TTYH3: variants seen among roughly 807,000 people sequenced by gnomAD.
The protein encoded by TTYH3 is protein tweety homolog 3.
Under a neutral mutation model 68.2 loss-of-function variants are expected in TTYH3, and 23 were observed. The ratio of observed to expected loss-of-function variants is 0.34; its 90% confidence interval spans 0.24 to 0.48. The LOEUF (loss-of-function observed/expected upper bound fraction) is 0.48. Among genes scored for constraint, TTYH3 ranks in the 20% least tolerant of loss-of-function variants. The pLI is 0.99. For missense variants in TTYH3, 768 were observed against 727.7 expected (o/e 1.06, Z -0.64); for synonymous variants, 360 against 332.8 (o/e 1.08, Z -0.89).
intron 1 of TTYH3, 40 bp downstream of exon 1, chr7:2,632,318 A>G (rs982094074): frequency 6.6e-7 from 1 of 1,519,576 alleles, no homozygotes; most frequent in Non-Finnish European, 8.9e-7. Flanking sequence ...CAGGGACCCC[A>G]GGTCACGGCC....
chr7:2,647,102 G>T, intron 2 of TTYH3, 40 bp from the exon 3 acceptor site: 1 of 1,554,990 alleles, frequency 6.4e-7, no homozygotes, highest in African/African-American at 1.3e-5. Context: ...GGGTGTGTGT[G>T]GGTGGGCGGG....
chr7:2,649,663 C>G (rs1786106693), intron 6 of TTYH3, 24 bp downstream of exon 6: 2 of 1,586,484 alleles, frequency 1.3e-6, no homozygotes, highest in Non-Finnish European at 1.7e-6. Context: ...GGGGTGAGGT[C>G]CCCGGCTGCT....
Position 2,647,165 on chromosome 7 carries a change from A to C in TTYH3, c.317A>C (p.Tyr106Ser). The C allele has an allele frequency of 1.2e-6, 2 of 1,606,258 alleles. No individual in the cohort carries two copies. The highest frequency in any genetic ancestry group is 1.1e-5 in the South Asian group (1 of 89,920). Residue 106 changes from tyrosine to serine, a missense_variant, in exon 3 of 14, where the codon TAC becomes TCC. Coordinates refer to ENST00000258796, the MANE Select transcript of TTYH3 (RefSeq NM_025250.3). ...AGCGCCGGCATCGCAGTGGGATTCT[A>C]CGGCAACGGGGAGACCAGTGATGGC... ...VCSAGIAVGF[Y>S]GNGETSDGIH...
rs1030343187 is a variant in TTYH3, at chr7:2,662,016, T to G, written c.*277T>G. On this transcript the variant is annotated 3_prime_UTR_variant, in exon 14 of 14. Coordinates refer to ENST00000258796, the MANE Select transcript of TTYH3 (RefSeq NM_025250.3). ...ACCCACTATCCCGGCACGCTCCCTCTGCAGATGGTCGCCGCACCTACAAGC... is the reference window on the plus strand; with the variant it reads ...ACCCACTATCCCGGCACGCTCCCTCGGCAGATGGTCGCCGCACCTACAAGC... The G allele has an allele frequency of 1.7e-6, 1 of 581,234 alleles. No homozygotes were observed. The highest frequency in any genetic ancestry group is 1.9e-5 in the African/African-American group (1 of 52,890). 36.0% of individuals were successfully genotyped at this position (581,234 alleles called of 1,614,324 possible).
chr7:2,656,198 C>T lies in TTYH3; in HGVS notation c.1113+14C>T. On this transcript the variant is annotated intron_variant, in intron 10 of 13. Coordinates refer to ENST00000258796, the MANE Select transcript of TTYH3 (RefSeq NM_025250.3). ...AGCCTGCATCTGGTGAGAGGCAGGGCCTGGGACAGGGCCATGGCAGCTTGT... is the reference window on the plus strand; with the variant it reads ...AGCCTGCATCTGGTGAGAGGCAGGGTCTGGGACAGGGCCATGGCAGCTTGT... 6.4e-7 allele frequency: 1 copy of T among 1,560,770 alleles called. No homozygotes were observed. The highest frequency in any genetic ancestry group is 8.7e-7 in the Non-Finnish European group (1 of 1,152,286).
At chr7:2,642,552 A>G (rs1785875567) in intron 1 of TTYH3, among the ~76,000 whole-genome samples, 1 of 149,804 alleles carries the variant, frequency 6.7e-6, no homozygotes, top group Non-Finnish European at 1.5e-5. Context: ...AAAAAAAAAA[A>G]AAAAAAAGAA....
At position 2,662,838 on chromosome 7, in the gene TTYH3, G is replaced by A. The variant is rs1482828949; in HGVS notation, c.*1099G>A. On this transcript the variant is annotated 3_prime_UTR_variant, in exon 14 of 14. Coordinates refer to ENST00000258796, the MANE Select transcript of TTYH3 (RefSeq NM_025250.3). ...GCCGGAGCAGCTGTCTGGGAGTCAAGGCTGCAGTAGCGTTTCTTCATGGGG... is the reference window on the plus strand; with the variant it reads ...GCCGGAGCAGCTGTCTGGGAGTCAAAGCTGCAGTAGCGTTTCTTCATGGGG... 1 of 152,662 alleles carries A rather than the reference G, an allele frequency of 6.6e-6. No individual in the cohort carries two copies. Among genetic ancestry groups the A allele is most frequent in the Non-Finnish European group, 1.5e-5 (1 of 68,180 alleles). The allele number at this position is 152,662 out of a possible 1,614,324, so 9.5% of individuals were successfully genotyped here. A position where few individuals can be genotyped will look rare whatever the true frequency, so the allele number is the denominator to read the frequency against.
chr7:2,639,991 G>A (rs1562708185), intron 1 of TTYH3, among the ~76,000 whole-genome samples: 2 of 8,116 alleles, frequency 2.5e-4, no homozygotes, highest in Non-Finnish European at 4.3e-4. Context: ...CTGTGGTCAC[G>A]CTGCCTGGCC....
At chr7:2,644,212 C>T (rs1262637236) in intron 1 of TTYH3, among the ~76,000 whole-genome samples, 1 of 152,156 alleles carries the variant, frequency 6.6e-6, no homozygotes, top group South Asian at 2.1e-4. Context: ...TCTGTTCTGC[C>T]GTTGGCCTCT....
At position 2,662,047 on chromosome 7, in the gene TTYH3, C is replaced by T. The variant is rs539653910; in HGVS notation, c.*308C>T. 26 of 545,656 alleles carry T rather than the reference C, an allele frequency of 4.8e-5. No individual in the cohort carries two copies. In the South Asian group the frequency reaches 5.1e-4, roughly 11 times the overall value. The allele number at this position is 545,656 out of a possible 1,614,324, so 33.8% of individuals were successfully genotyped here. Reference sequence around the variant, plus strand: ...TGGTCGCCGCACCTACAAGCCCTGGCCGCACCCAACCTGTGTTGTTGCCGC... The same window carrying T: ...TGGTCGCCGCACCTACAAGCCCTGGTCGCACCCAACCTGTGTTGTTGCCGC... On this transcript the variant is annotated 3_prime_UTR_variant, in exon 14 of 14. Coordinates refer to ENST00000258796, the MANE Select transcript of TTYH3 (RefSeq NM_025250.3).
chr7:2,637,458 C>T (rs1785709915), intron 1 of TTYH3, among the ~76,000 whole-genome samples: 1 of 152,104 alleles, frequency 6.6e-6, no homozygotes. Flanking sequence ...CATGGGGGGC[C>T]GGAAGACTGG....
intron 7 of TTYH3, 32 bp from the exon 8 acceptor site, chr7:2,652,155 G>A: frequency 6.2e-7 from 1 of 1,607,182 alleles, no homozygotes; most frequent in East Asian, 2.2e-5. Flanking sequence ...GACAGCTGTT[G>A]CAGCTCAGCC....
At chr7:2,660,936 A>G (rs1786478291) in intron 13 of TTYH3, among the ~76,000 whole-genome samples, 1 of 152,210 alleles carries the variant, frequency 6.6e-6, no homozygotes, top group African/African-American at 2.4e-5. Flanking sequence ...TGCACTCAAG[A>G]CCTTCACACT....
intron 9 of TTYH3, among the ~76,000 whole-genome samples, chr7:2,654,211 A>G (rs958062419): frequency 1.3e-5 from 2 of 152,210 alleles, no homozygotes; most frequent in African/African-American, 2.4e-5. Context: ...CCTGGGCAAC[A>G]TAGCAAGACC....
intron 11 of TTYH3, among the ~76,000 whole-genome samples, chr7:2,656,922 C>T (rs1332573770): frequency 6.6e-6 from 1 of 152,258 alleles, no homozygotes; most frequent in Non-Finnish European, 1.5e-5. Context: ...GTGCACGACG[C>T]TGTGGGGGAA....
rs1785998697 is a variant in TTYH3, at chr7:2,646,861, G to A, written c.132G>A (p.Leu44=). 6.3e-7 allele frequency: 1 copy of A among 1,595,504 alleles called. No individual in the cohort carries two copies. Among genetic ancestry groups the A allele is most frequent in the Non-Finnish European group, 8.5e-7 (1 of 1,178,348 alleles). The change falls in exon 2 of 14, where the codon CTG becomes CTA. Residue 44 remains leucine, a synonymous_variant. Transcript: ENST00000258796. ...PEDTDYQQAL[L]LLGAAALACL... Reference sequence around the variant, plus strand: ...TTCCTGCCTGCCCTCAGGCCCTGCTGCTCCTGGGGGCCGCCGCCCTGGCCT... The same window carrying A: ...TTCCTGCCTGCCCTCAGGCCCTGCTACTCCTGGGGGCCGCCGCCCTGGCCT...
rs549008998 is a variant in TTYH3 at position 2,649,590 on chromosome 7, C to A, written c.746C>A (p.Ala249Asp). ...AGGGTCTGCCTGCTGGGAGTCCTGG[C>A]CCTGGTCATCAGCTGGGGCGCGCTG... ...LVGVCLLGVL[A>D]LVISWGALGL... Residue 249 changes from alanine to aspartate, a missense_variant, in exon 6 of 14, where the codon GCC becomes GAC. Transcript: ENST00000258796. 1 of 1,595,148 alleles carries A rather than the reference C, an allele frequency of 6.3e-7. No individual in the cohort carries two copies. The highest frequency in any genetic ancestry group is 1.7e-5 in the Admixed American group (1 of 58,666).
intron 1 of TTYH3, among the ~76,000 whole-genome samples, chr7:2,638,940 G>A (rs1422927692): frequency 1.3e-5 from 2 of 152,002 alleles, no homozygotes; most frequent in Non-Finnish European, 2.9e-5. Context: ...GTAGTGGCTC[G>A]CACACGCCGA....
chr7:2,647,965 G>T lies in TTYH3; in HGVS notation c.633G>T (p.Leu211=), dbSNP rs763549055. Residue 211 remains leucine, a synonymous_variant, in exon 5 of 14, where the codon CTG becomes CTT. Transcript: ENST00000258796. The part of the protein sequence containing the change: ...QVDLYDWYRW[L]GYLGLLLLDV... ...CTCCCAGGTTTGCCTGCAGGTGGCT[G>T]GGCTACCTGGGCCTGCTGCTGCTGG... 6.2e-7 allele frequency: 1 copy of T among 1,608,208 alleles called. No homozygotes were observed. Among genetic ancestry groups the T allele is most frequent in the South Asian group, 1.1e-5 (1 of 91,080 alleles).
Sources: allele counts gnomAD v4.1 joint callset (sites outside exome capture counted in the v4.1 genomes callset), GRCh38; gene constraint gnomAD v4.1.1; transcripts MANE v1.5; gene names NCBI Gene and HGNC (gene_info 2026-07-23, HGNC 2026-07-21).